Variants in PHKA1 observed in about 807,000 individuals in gnomAD.
The protein encoded by PHKA1 is phosphorylase kinase regulatory subunit alpha 1.
A neutral mutation model predicts 110.2 loss-of-function variants in PHKA1; 60 were observed. The ratio of observed to expected loss-of-function variants is 0.54; its 90% CI spans 0.44 to 0.68. PHKA1 has a LOEUF of 0.68. Among genes scored for constraint, PHKA1 ranks in the 30% least tolerant of loss-of-function variants. The pLI, the probability that PHKA1 is intolerant of heterozygous loss-of-function variation, is 0.00. For synonymous variants in PHKA1, 316 were observed against 333.6 expected, an observed-to-expected ratio of 0.95 and a Z score of 0.58; for missense variants, 801 against 942.5, an observed-to-expected ratio of 0.85 and a Z score of 1.97.
intron 9 of PHKA1, among the ~76,000 whole-genome samples, 197 bp from the exon 10 acceptor site, chrX:72,656,439 T>C (rs1891021646): frequency 1.8e-5 from 2 of 112,598 alleles, no homozygotes; most frequent in African/African-American, 3.2e-5. Flanking sequence ...ATAGCAATGA[T>C]ATCACAAGAG....
At chrX:72,679,073 C>T (rs1220339531) in intron 5 of PHKA1, among the ~76,000 whole-genome samples, 1 of 111,991 alleles carries the variant, frequency 8.9e-6, no homozygotes, top group Non-Finnish European at 1.9e-5. Context: ...AGTGAGAAAA[C>T]TACTTGAGGC....
At chrX:72,609,554 T>A (rs2052775612) in intron 23 of PHKA1, 70 bp downstream of exon 23, 1 of 722,925 alleles carries the variant, frequency 1.4e-6, no homozygotes, top group Non-Finnish European at 2.2e-6. Flanking sequence ...ACTGACAGAT[T>A]AGGGCAAGGG....
intron 28 of PHKA1, among the ~76,000 whole-genome samples, chrX:72,600,150 G>A (rs966770932): frequency 9.0e-6 from 1 of 110,513 alleles, no homozygotes; most frequent in East Asian, 2.9e-4. Context: ...CAGACAGGCA[G>A]GTGAGGATGG....
intron 14 of PHKA1, among the ~76,000 whole-genome samples, chrX:72,643,101 T>C (rs1556296148): frequency 9.0e-6 from 1 of 110,907 alleles, no homozygotes; most frequent in African/African-American, 3.3e-5. Context: ...CCTTGGTTGA[T>C]TCCCTCTCAA....
chrX:72,687,829 CTT>C (rs1324615533), intron 4 of PHKA1, among the ~76,000 whole-genome samples: 9 of 100,153 alleles, frequency 9.0e-5, no homozygotes, highest in Admixed American at 2.2e-4. Flanking sequence ...TTATCAGAAA[CTT>C]TTTTTTTTTT....
chrX:72,705,352 T>C, intron 2 of PHKA1, 107 bp from the exon 3 acceptor site: 2 of 540,072 alleles, frequency 3.7e-6, no homozygotes, highest in Admixed American at 4.9e-5. Flanking sequence ...AGTAACCCTA[T>C]CCTGTGTTCC....
intron 2 of PHKA1, among the ~76,000 whole-genome samples, chrX:72,706,582 A>G (rs1184952890): frequency 3.6e-5 from 4 of 111,637 alleles, no homozygotes; most frequent in African/African-American, 1.3e-4. Flanking sequence ...AATGGGAAGC[A>G]GAGGGAGGGG....
intron 1 of PHKA1, 48 bp downstream of exon 1, chrX:72,713,755 C>T: frequency 9.8e-7 from 1 of 1,022,957 alleles, no homozygotes; most frequent in Non-Finnish European, 1.4e-6. Context: ...CAAGCTATGA[C>T]AAGCTACATC....
chrX:72,586,052 A>G (rs1158896323), intron 29 of PHKA1, among the ~76,000 whole-genome samples: 2 of 112,514 alleles, frequency 1.8e-5, no homozygotes, highest in African/African-American at 6.5e-5. Context: ...CCTGTCTGAC[A>G]GCTCTCAAGA....
rs1486499330 is a variant in PHKA1 at position 72,714,186 on chromosome X, TCCTGCATCCTC to T, written c.-317_-307del. The T allele has an allele frequency of 3.4e-6, 1 of 291,360 alleles. No homozygotes were observed. The highest frequency in any genetic ancestry group is 2.7e-5 in the African/African-American group (1 of 36,486). 24.0% of individuals were successfully genotyped at this position (291,360 alleles called of 1,213,427 possible). ...GTCCAGTCCGGCCTCCGCGTGTGAC[TCCTGCATCCTC>T]CCCTCAACCCCGGGAGACCGCCGCG... On this transcript the variant is annotated 5_prime_UTR_variant, in exon 1 of 32. It removes an upstream start codon present in the reference 5' UTR. Transcript: ENST00000373542.
At chrX:72,670,082 G>A (rs782773828) in intron 6 of PHKA1, among the ~76,000 whole-genome samples, 7 of 111,720 alleles carry the variant, frequency 6.3e-5, no homozygotes, top group East Asian at 2.8e-4. Context: ...TCTAACTGGC[G>A]TGAGATGGTA....
intron 10 of PHKA1, among the ~76,000 whole-genome samples, chrX:72,655,863 G>A (rs1049698520): frequency 1.8e-4 from 20 of 111,985 alleles, no homozygotes; most frequent in African/African-American, 5.2e-4. Flanking sequence ...CTCGTGATCC[G>A]CCCGCCTCGG....
chrX:72,711,217 T>C (rs1224256651), intron 2 of PHKA1, among the ~76,000 whole-genome samples: 1 of 111,457 alleles, frequency 9.0e-6, no homozygotes, highest in Admixed American at 9.6e-5. Flanking sequence ...TACAGGGAGA[T>C]AACAGATTTC....
At chrX:72,700,774 C>T (rs1382211606) in intron 3 of PHKA1, among the ~76,000 whole-genome samples, 1 of 111,094 alleles carries the variant, frequency 9.0e-6, no homozygotes, top group Non-Finnish European at 1.9e-5. Flanking sequence ...TTTCTGATAA[C>T]TTTTGAAGAT....
intron 28 of PHKA1, chrX:72,599,698 T>A: frequency 2.7e-6 from 1 of 375,327 alleles, no homozygotes; most frequent in Non-Finnish European, 4.8e-6. Context: ...AATTGCTTTA[T>A]ACTTATTTTA....
At chrX:72,623,490 T>C (rs1275697553) in intron 17 of PHKA1, among the ~76,000 whole-genome samples, 1 of 111,351 alleles carries the variant, frequency 9.0e-6, no homozygotes, top group Non-Finnish European at 1.9e-5. Context: ...AGGTTACAAT[T>C]ATGGATTAAC....
intron 28 of PHKA1, among the ~76,000 whole-genome samples, chrX:72,600,626 A>C (rs1420771029): frequency 8.9e-6 from 1 of 111,769 alleles, no homozygotes; most frequent in African/African-American, 3.2e-5. Flanking sequence ...GTATTTGATG[A>C]GTGTACTCAA....
chrX:72,684,474 A>C (rs2053945743), intron 5 of PHKA1, 24 bp downstream of exon 5: 1 of 980,352 alleles, frequency 1.0e-6, no homozygotes, highest in African/African-American at 1.9e-5. Context: ...TATGTCTAAA[A>C]TCCATTCTAA....
At chrX:72,621,993 A>T (rs192407712) in intron 18 of PHKA1, 1 of 746,323 alleles carries the variant, frequency 1.3e-6, no homozygotes, top group African/African-American at 2.3e-5. Context: ...AATCACAACT[A>T]CCCATAGAAG....
Sources: allele counts gnomAD v4.1 joint callset (sites outside exome capture counted in the v4.1 genomes callset), GRCh38; gene constraint gnomAD v4.1.1; transcripts MANE v1.5; gene names NCBI Gene and HGNC (gene_info 2026-07-23, HGNC 2026-07-21).